Variants in GAS2 observed in about 807,000 individuals in gnomAD.
GAS2 encodes growth arrest specific 2.
GAS2 carries 20 observed loss-of-function variants against 37.5 expected under a neutral mutation model. That is an observed-to-expected ratio of 0.53 (90% CI 0.37 to 0.77). The LOEUF is 0.77. Ranked by LOEUF, GAS2 falls within the 30% of genes least tolerant of loss-of-function variation. GAS2 has a pLI of 0.00. For synonymous variants in GAS2, 144 were observed against 132.2 expected (o/e 1.09, Z -0.61); for missense variants, 336 against 373.4 (o/e 0.90, Z 0.82).
rs552188295 is a variant in GAS2, at chr11:22,727,520, T to C, written c.409+1087T>C. On this transcript the variant is annotated intron_variant, in intron 4 of 7. Transcript: ENST00000454584. ...AAATCTGTATTTGTTCTCAGAGGAG[T>C]TGGCGTGATATGGCAAAGAAATACC... Among the ~76,000 whole-genome samples, 156 of 152,026 alleles carry C rather than the reference T, an allele frequency of 1.0e-3. 1 individual carries two copies. The highest frequency in any genetic ancestry group is 3.4e-3 in the African/African-American group (140 of 41,522).
intron 7 of GAS2, among the ~76,000 whole-genome samples, chr11:22,809,943 T>C (rs1857067896): frequency 6.6e-6 from 1 of 152,180 alleles, no homozygotes; most frequent in Admixed American, 6.5e-5. Context: ...AGATTTTGTT[T>C]AATGAGTATG....
At chr11:22,695,388 A>G (rs1312811122) in intron 3 of GAS2, among the ~76,000 whole-genome samples, 1 of 152,124 alleles carries the variant, frequency 6.6e-6, no homozygotes, top group Non-Finnish European at 1.5e-5. Flanking sequence ...ATTGTTTCAG[A>G]ACTGTCCAAA....
At chr11:22,651,252 T>G (rs1186662397) in intron 1 of GAS2, among the ~76,000 whole-genome samples, 3 of 152,242 alleles carry the variant, frequency 2.0e-5, no homozygotes, top group African/African-American at 7.2e-5. Flanking sequence ...TGGCCCCCAC[T>G]GTCTTCTGGC....
chr11:22,697,603 A>G (rs1850598741), intron 3 of GAS2, among the ~76,000 whole-genome samples: 1 of 151,994 alleles, frequency 6.6e-6, no homozygotes, highest in South Asian at 2.1e-4. Flanking sequence ...ATTTGTTTGT[A>G]TCCTCTTTTA....
chr11:22,787,382 T>A (rs980865978), intron 7 of GAS2, among the ~76,000 whole-genome samples: 1 of 152,146 alleles, frequency 6.6e-6, no homozygotes, highest in Non-Finnish European at 1.5e-5. Flanking sequence ...GTTCCTATTA[T>A]TCAGTATTTA....
chr11:22,632,860 C>T (rs548367084), intron 1 of GAS2, among the ~76,000 whole-genome samples: 1 of 151,638 alleles, frequency 6.6e-6, no homozygotes, highest in South Asian at 2.1e-4. Flanking sequence ...AAACTTTTCC[C>T]TGCATTTCGT....
intron 1 of GAS2, among the ~76,000 whole-genome samples, chr11:22,627,339 T>G (rs563102183): frequency 7.2e-5 from 11 of 152,338 alleles, no homozygotes; most frequent in Admixed American, 5.9e-4. Context: ...ATAAATGCAG[T>G]CCTAGCATGA....
At chr11:22,675,626 C>G (rs1849391705) in intron 2 of GAS2, among the ~76,000 whole-genome samples, 2 of 152,030 alleles carry the variant, frequency 1.3e-5, no homozygotes, top group Non-Finnish European at 2.9e-5. Context: ...CTTTCATATT[C>G]CCAGGATAAA....
At chr11:22,713,615 A>T (rs184425488) in intron 3 of GAS2, among the ~76,000 whole-genome samples, 2 of 152,320 alleles carry the variant, frequency 1.3e-5, no homozygotes, top group Non-Finnish European at 2.9e-5. Flanking sequence ...AGGCAAAAGC[A>T]TCAGGTAGCC....
At chr11:22,807,073 G>A (rs1295936439) in intron 7 of GAS2, among the ~76,000 whole-genome samples, 1 of 143,766 alleles carries the variant, frequency 7.0e-6, no homozygotes, top group East Asian at 2.4e-4. Flanking sequence ...ATTTATGTAT[G>A]TTTTCATTTT....
chr11:22,736,978 C>A (rs1446297699), intron 4 of GAS2, among the ~76,000 whole-genome samples: 3 of 152,104 alleles, frequency 2.0e-5, no homozygotes, highest in Non-Finnish European at 4.4e-5. Flanking sequence ...GAATGTCTAT[C>A]AGTAAAGCAA....
At chr11:22,704,624 T>TATATATATATATATA (rs1565098343) in intron 3 of GAS2, among the ~76,000 whole-genome samples, 204 of 140,370 alleles carry the variant, frequency 1.5e-3, no homozygotes, top group East Asian at 2.6e-3. Context: ...TATATATATA[T>TATATATATATATATA]TTTGCTCATC....
intron 1 of GAS2, among the ~76,000 whole-genome samples, chr11:22,672,868 A>G: frequency 6.6e-6 from 1 of 151,858 alleles, no homozygotes; most frequent in South Asian, 2.1e-4. Flanking sequence ...GTTTAATCAC[A>G]GAATTTGGAG....
At chr11:22,740,650 A>G (rs896768163) in intron 5 of GAS2, among the ~76,000 whole-genome samples, 54 of 152,312 alleles carry the variant, frequency 3.5e-4, no homozygotes, top group African/African-American at 1.3e-3. Context: ...TACAAATGGC[A>G]ACCCAATAAA....
rs184139166 is a variant in GAS2 at position 22,756,923 on chromosome 11, A to C, written c.723+970A>C. Among the ~76,000 whole-genome samples the C allele has an allele frequency of 3.6e-3, 546 of 152,236 alleles. 4 individuals carry two copies. Among genetic ancestry groups the C allele is most frequent in the African/African-American group, 0.013 (526 of 41,576 alleles). ...GTTCTTTATTGCAAGGATAGCATACATATTTTGTTAAGTCAAACTGCCTGC... is the reference window on the plus strand; with the variant it reads ...GTTCTTTATTGCAAGGATAGCATACCTATTTTGTTAAGTCAAACTGCCTGC... On this transcript the variant is annotated intron_variant, in intron 7 of 7. Coordinates refer to ENST00000454584, the MANE Select transcript of GAS2 (RefSeq NM_001143830.3).
chr11:22,723,316 G>A (rs1852035455), intron 3 of GAS2, among the ~76,000 whole-genome samples: 1 of 151,864 alleles, frequency 6.6e-6, no homozygotes, highest in African/African-American at 2.4e-5. Flanking sequence ...TGACTTACCT[G>A]TCTTCCAATA....
At chr11:22,632,614 G>A (rs762413377) in intron 1 of GAS2, among the ~76,000 whole-genome samples, 1 of 152,100 alleles carries the variant, frequency 6.6e-6, no homozygotes, top group Non-Finnish European at 1.5e-5. Context: ...AGCCAGGGAA[G>A]TTTTCCTTAA....
intron 3 of GAS2, among the ~76,000 whole-genome samples, chr11:22,719,002 A>G (rs894298625): frequency 1.3e-5 from 2 of 152,126 alleles, no homozygotes; most frequent in Non-Finnish European, 2.9e-5. Context: ...TCAATGACAT[A>G]GTAATCTTTT....
chr11:22,765,302 G>A (rs1854628160), intron 7 of GAS2, among the ~76,000 whole-genome samples: 1 of 152,146 alleles, frequency 6.6e-6, no homozygotes. Flanking sequence ...CAACAATATA[G>A]TAGAGAGTTG....
Sources: allele counts gnomAD v4.1 joint callset (sites outside exome capture counted in the v4.1 genomes callset), GRCh38; gene constraint gnomAD v4.1.1; transcripts MANE v1.5; gene names NCBI Gene and HGNC (gene_info 2026-07-23, HGNC 2026-07-21).